Variants in CNGB3 observed in about 807,000 individuals in gnomAD.
CNGB3 encodes cyclic nucleotide gated channel subunit beta 3.
CNGB3 carries 86 observed loss-of-function variants against 92.8 expected under a neutral mutation model. The ratio of observed to expected loss-of-function variants is 0.93; its 90% CI spans 0.78 to 1.11. The LOEUF is 1.11. Ranked by LOEUF, CNGB3 falls within the 50% of genes least tolerant of loss-of-function variation. The pLI is 0.00. For synonymous variants in CNGB3, 333 were observed against 332.7 expected (o/e 1.00, Z -0.01); for missense variants, 1,026 against 956.8 (o/e 1.07, Z -0.95).
chr8:86,627,537 G>A (rs756136859), intron 12 of CNGB3, among the ~76,000 whole-genome samples: 1 of 152,200 alleles, frequency 6.6e-6, no homozygotes, highest in Non-Finnish European at 1.5e-5. Flanking sequence ...GAATTTCATT[G>A]TAATTTGCAC....
intron 13 of CNGB3, among the ~76,000 whole-genome samples, chr8:86,620,382 G>A (rs962697482): frequency 6.6e-6 from 1 of 152,052 alleles, no homozygotes; most frequent in Non-Finnish European, 1.5e-5. Context: ...TCTCTGCTTG[G>A]CTTGCAGATG....
intron 15 of CNGB3, among the ~76,000 whole-genome samples, chr8:86,591,599 G>A (rs553357418): frequency 1.3e-4 from 20 of 151,982 alleles, no homozygotes; most frequent in African/African-American, 2.9e-4. Flanking sequence ...GTACCCTGCC[G>A]TGTGAGGTGT....
intron 13 of CNGB3, among the ~76,000 whole-genome samples, chr8:86,624,828 G>A (rs1359453123): frequency 7.2e-5 from 11 of 152,158 alleles, no homozygotes; most frequent in Admixed American, 3.3e-4. Context: ...AATGTTGGAC[G>A]TGGAGCCTGG....
At chr8:86,708,015 GT>G (rs1474557042) in intron 3 of CNGB3, 2 of 152,188 alleles carry the variant, frequency 1.3e-5, no homozygotes, top group African/African-American at 2.4e-5. Context: ...TTAAGAGTTG[GT>G]TTTGGACACA....
At chr8:86,594,382 G>A in intron 15 of CNGB3, 7 of 301,400 alleles carry the variant, frequency 2.3e-5, no homozygotes, top group South Asian at 1.9e-4. Flanking sequence ...TCATTTTCTT[G>A]TAGGAAAAGT....
At chr8:86,616,241 T>A (rs1342818162) in intron 13 of CNGB3, among the ~76,000 whole-genome samples, 1 of 152,174 alleles carries the variant, frequency 6.6e-6, no homozygotes, top group African/African-American at 2.4e-5. Flanking sequence ...GCAAACTGAA[T>A]TTAGCAGCTG....
intron 12 of CNGB3, among the ~76,000 whole-genome samples, chr8:86,627,807 T>C (rs376452286): frequency 6.6e-6 from 1 of 152,186 alleles, no homozygotes; most frequent in African/African-American, 2.4e-5. Context: ...TTTCTATTAG[T>C]ACAGTTGACC....
At chr8:86,651,689 C>T (rs1823406826) in intron 7 of CNGB3, among the ~76,000 whole-genome samples, 1 of 151,816 alleles carries the variant, frequency 6.6e-6, no homozygotes, top group Admixed American at 6.6e-5. Context: ...ATTTTTGGCA[C>T]AGATTTGTGT....
At chr8:86,731,371 G>T (rs956835311) in intron 2 of CNGB3, among the ~76,000 whole-genome samples, 1 of 152,160 alleles carries the variant, frequency 6.6e-6, no homozygotes, top group African/African-American at 2.4e-5. Flanking sequence ...CAGCCTTAAA[G>T]TCCTATAATG....
chr8:86,606,594 A>G (rs1822415476), intron 14 of CNGB3, among the ~76,000 whole-genome samples: 1 of 152,234 alleles, frequency 6.6e-6, no homozygotes, highest in Non-Finnish European at 1.5e-5. Flanking sequence ...AAATCATTAC[A>G]TTATCTGACA....
At chr8:86,722,400 T>G (rs1824987596) in intron 3 of CNGB3, among the ~76,000 whole-genome samples, 1 of 152,230 alleles carries the variant, frequency 6.6e-6, no homozygotes, top group South Asian at 2.1e-4. Flanking sequence ...TTTCAGAAGG[T>G]AAGTGTTTCA....
chr8:86,717,560 T>TAAA (rs1164961675), intron 3 of CNGB3, among the ~76,000 whole-genome samples: 1 of 34,712 alleles, frequency 2.9e-5, no homozygotes. Context: ...AGACTCTGTC[T>TAAA]CAAAAAAAAA....
At chr8:86,653,968 G>T (rs150316482) in intron 7 of CNGB3, 44 bp downstream of exon 7, 1 of 1,277,572 alleles carries the variant, frequency 7.8e-7, no homozygotes, top group African/African-American at 1.5e-5. Context: ...AAGTCAAAAT[G>T]GTAATAGATC....
intron 10 of CNGB3, among the ~76,000 whole-genome samples, chr8:86,637,617 T>C (rs1373702177): frequency 1.3e-5 from 2 of 152,194 alleles, no homozygotes; most frequent in African/African-American, 4.8e-5. Flanking sequence ...TATTAGTTTC[T>C]ACTTTAATTT....
rs536007716 is a variant in CNGB3, at chr8:86,735,217, C to T, written c.211+4438G>A. 1.6e-4 allele frequency among the ~76,000 whole-genome samples: 20 copies of T among 126,364 alleles called. No individual in the cohort carries two copies. In the East Asian group the frequency reaches 3.8e-3, roughly 24 times the overall value. The allele number at this position is 126,364 out of a possible 152,430, so 82.9% of individuals were successfully genotyped here. On this transcript the variant is annotated intron_variant, in intron 2 of 17. Transcript: ENST00000320005. Reference sequence around the variant, plus strand: ...GAGTGCAGTGGCGCAATCTCGGCTCCCTGCAAGCTCCGCTTCCAGGGTTCA... The same window carrying T: ...GAGTGCAGTGGCGCAATCTCGGCTCTCTGCAAGCTCCGCTTCCAGGGTTCA...
chr8:86,619,728 C>CT (rs71275868), intron 13 of CNGB3, among the ~76,000 whole-genome samples: 2,925 of 73,280 alleles, frequency 0.04, 274 homozygotes, highest in African/African-American at 0.13. Context: ...TGGTCTTGAC[C>CT]TTTTTTTTTT....
intron 15 of CNGB3, among the ~76,000 whole-genome samples, chr8:86,600,574 G>A (rs936126538): frequency 2.0e-4 from 30 of 151,560 alleles, no homozygotes; most frequent in African/African-American, 6.8e-4. Flanking sequence ...GTAGCTGCTG[G>A]TGATATGAAG....
intron 13 of CNGB3, among the ~76,000 whole-genome samples, chr8:86,622,989 T>A (rs1029277032): frequency 1.2e-4 from 18 of 152,190 alleles, no homozygotes; most frequent in Non-Finnish European, 5.9e-5. Flanking sequence ...AGTCATGGGT[T>A]AACCTAATGC....
At chr8:86,690,876 T>A (rs919144681) in intron 3 of CNGB3, among the ~76,000 whole-genome samples, 1 of 152,152 alleles carries the variant, frequency 6.6e-6, no homozygotes, top group Non-Finnish European at 1.5e-5. Context: ...TGTAGATGTG[T>A]GGTGTTATTT....
Sources: allele counts gnomAD v4.1 joint callset (sites outside exome capture counted in the v4.1 genomes callset), GRCh38; gene constraint gnomAD v4.1.1; transcripts MANE v1.5; gene names NCBI Gene and HGNC (gene_info 2026-07-23, HGNC 2026-07-21).